Variants in UBE3A observed in about 807,000 individuals in gnomAD.
The protein encoded by UBE3A is ubiquitin protein ligase E3A, also known as ubiquitin-protein ligase E3A.
A neutral mutation model predicts 83.4 loss-of-function variants in UBE3A; 6 were observed. The observed-to-expected ratio is 0.07, with a 90% confidence interval of 0.04 to 0.14. The LOEUF is 0.14. UBE3A is among the 10% of genes least tolerant of loss of function. UBE3A has a pLI of 1.00. For missense variants in UBE3A, 456 were observed against 1,036.1 expected (o/e 0.44, Z 7.69); for synonymous variants, 337 against 355.4 (o/e 0.95, Z 0.58).
At chr15:25,431,621 G>A (rs1334656530) in intron 1 of UBE3A, among the ~76,000 whole-genome samples, 11 of 152,134 alleles carry the variant, frequency 7.2e-5, no homozygotes, top group Non-Finnish European at 1.3e-4. Context: ...GGGATTACAG[G>A]AGTGAGCCAA....
At chr15:25,405,829 A>G (rs1391209275) in intron 3 of UBE3A, among the ~76,000 whole-genome samples, 1 of 152,188 alleles carries the variant, frequency 6.6e-6, no homozygotes, top group Non-Finnish European at 1.5e-5. Flanking sequence ...CAACTAAAAA[A>G]CTTCCTATAG....
At chr15:25,437,262 A>C (rs564717640) in intron 1 of UBE3A, among the ~76,000 whole-genome samples, 3 of 152,288 alleles carry the variant, frequency 2.0e-5, no homozygotes, top group East Asian at 1.9e-4. Context: ...CAACTTTCTT[A>C]TCTCTCCTAA....
chr15:25,432,083 G>A (rs575004001), intron 1 of UBE3A, among the ~76,000 whole-genome samples: 2 of 152,176 alleles, frequency 1.3e-5, no homozygotes, highest in Admixed American at 6.5e-5. Context: ...TTGGAAGTAC[G>A]AAAGGAAGAA....
chr15:25,430,052 TA>T lies in UBE3A; in HGVS notation c.-165+8436del, dbSNP rs1892698215. ...CTATATATATATATATATATATATT[TA>T]TATGTATTATATATATATAATACAT... On this transcript the variant is annotated intron_variant, in intron 1 of 12. Coordinates refer to ENST00000648336, the MANE Select transcript of UBE3A (RefSeq NM_130839.5). Among the ~76,000 whole-genome samples, 4 of 109,072 alleles carry T rather than the reference TA, an allele frequency of 3.7e-5. 1 individual carries two copies. The South Asian group carries it at 1.0e-3, about 28-fold the overall frequency. 71.6% of individuals were successfully genotyped at this position (109,072 alleles called of 152,430 possible). A position where few individuals can be genotyped will look rare whatever the true frequency, so the allele number is the denominator to read the frequency against.
At chr15:25,380,870 G>C (rs1376283672) in intron 4 of UBE3A, among the ~76,000 whole-genome samples, 1 of 152,172 alleles carries the variant, frequency 6.6e-6, no homozygotes, top group Admixed American at 6.5e-5. Flanking sequence ...TCTAAAGTCA[G>C]ACACATGAAA....
chr15:25,384,878 T>C (rs966217032), intron 4 of UBE3A, among the ~76,000 whole-genome samples: 4 of 152,148 alleles, frequency 2.6e-5, no homozygotes, highest in African/African-American at 7.2e-5. Flanking sequence ...TTCAACAAAC[T>C]GTATTGGGAA....
intron 1 of UBE3A, among the ~76,000 whole-genome samples, chr15:25,429,310 A>T (rs1336864342): frequency 1.3e-5 from 2 of 152,172 alleles, no homozygotes; most frequent in Non-Finnish European, 2.9e-5. Context: ...ATATAACTGC[A>T]TCCTTTCCCC....
At chr15:25,422,859 A>G (rs1265698145) in intron 1 of UBE3A, among the ~76,000 whole-genome samples, 7 of 151,216 alleles carry the variant, frequency 4.6e-5, no homozygotes, top group African/African-American at 1.7e-4. Context: ...CCAACTAGCT[A>G]TAGTGGCACA....
At chr15:25,397,195 A>G (rs1168080577) in intron 4 of UBE3A, among the ~76,000 whole-genome samples, 3 of 57,082 alleles carry the variant, frequency 5.3e-5, no homozygotes, top group Non-Finnish European at 7.5e-5. Flanking sequence ...TCCCATACCA[A>G]TTATGGCTAG....
Position 25,338,261 on chromosome 15 carries a change from A to G in UBE3A, c.*876T>C, listed in dbSNP as rs1000439898. On this transcript the variant is annotated 3_prime_UTR_variant, in exon 13 of 13. Coordinates refer to ENST00000648336, the MANE Select transcript of UBE3A (RefSeq NM_130839.5). ...CAACAAACTTCCTAACTTTGTTGCAATAGGCTTGACTACCATTTCATTTGG... is the reference window on the plus strand; with the variant it reads ...CAACAAACTTCCTAACTTTGTTGCAGTAGGCTTGACTACCATTTCATTTGG... 2.6e-5 allele frequency: 4 copies of G among 152,226 alleles called. No individual in the cohort carries two copies. The highest frequency in any genetic ancestry group is 1.3e-4 in the Admixed American group (2 of 15,284). 9.4% of individuals were successfully genotyped at this position (152,226 alleles called of 1,614,324 possible).
chr15:25,420,120 A>G (rs894870120), intron 1 of UBE3A, among the ~76,000 whole-genome samples: 29 of 152,216 alleles, frequency 1.9e-4, no homozygotes, highest in African/African-American at 6.5e-4. Context: ...ATCTAAAAGA[A>G]AGACATTAAA....
At chr15:25,409,001 C>T in intron 3 of UBE3A, 87 bp downstream of exon 3, 1 of 1,379,982 alleles carries the variant, frequency 7.2e-7, no homozygotes, top group South Asian at 1.3e-5. Flanking sequence ...AGTATTCCTG[C>T]CAACTATACA....
intron 11 of UBE3A, among the ~76,000 whole-genome samples, chr15:25,341,210 T>C (rs751181518): frequency 6.7e-6 from 1 of 148,250 alleles, no homozygotes; most frequent in East Asian, 2.1e-4. Context: ...GCTGGGACTA[T>C]AGGTGCCTGC....
intron 1 of UBE3A, chr15:25,418,862 T>C (rs2153132815): frequency 6.6e-6 from 1 of 152,280 alleles, no homozygotes; most frequent in African/African-American, 2.4e-5. Context: ...ACTACAGTCA[T>C]ACCTCAACTA....
intron 1 of UBE3A, among the ~76,000 whole-genome samples, chr15:25,437,763 C>G (rs1895542906): frequency 6.6e-6 from 1 of 152,114 alleles, no homozygotes; most frequent in South Asian, 2.1e-4. Flanking sequence ...CGGACTAAGG[C>G]ATTTGGTACA....
At position 25,418,116 on chromosome 15, in the gene UBE3A, AGT is replaced by A. The variant is rs1386973931; in HGVS notation, c.-164-6147_-164-6146del. The A allele has an allele frequency of 1.1e-4, 16 of 152,152 alleles. No homozygotes were observed. In the East Asian group the frequency reaches 2.9e-3, roughly 28 times the overall value. The allele number at this position is 152,152 out of a possible 1,614,324, so 9.4% of individuals were successfully genotyped here. ...TGAATACTGTAAGCAACTGTAACAA[AGT>A]GTAAGTATTTATACATCTAAACCTA... On this transcript the variant is annotated intron_variant, in intron 1 of 12. Transcript: ENST00000648336.
chr15:25,339,883 T>A (rs79406530), intron 12 of UBE3A: 1 of 626,308 alleles, frequency 1.6e-6, no homozygotes, highest in Admixed American at 2.9e-5. Flanking sequence ...GTGAGCCCCA[T>A]AATAATTTTT....
chr15:25,373,975 ACCT>A (rs1374979139), intron 5 of UBE3A: 2 of 152,012 alleles, frequency 1.3e-5, no homozygotes, highest in Admixed American at 6.6e-5. Flanking sequence ...GCACTTAAAA[ACCT>A]CCTACGCAAA....
chr15:25,403,341 AAAT>A (rs1038837584), intron 4 of UBE3A, among the ~76,000 whole-genome samples: 4 of 152,198 alleles, frequency 2.6e-5, no homozygotes, highest in Non-Finnish European at 4.4e-5. Flanking sequence ...GTATTCCACA[AAAT>A]ATTATTAAAA....
Sources: allele counts gnomAD v4.1 joint callset (sites outside exome capture counted in the v4.1 genomes callset), GRCh38; gene constraint gnomAD v4.1.1; transcripts MANE v1.5; gene names NCBI Gene and HGNC (gene_info 2026-07-23, HGNC 2026-07-21).